Variants in SAMD3 observed in about 807,000 individuals in gnomAD.
SAMD3 encodes the protein sterile alpha motif domain-containing protein 3.
Under a neutral mutation model 58.5 loss-of-function variants are expected in SAMD3, and 63 were observed. That is an observed-to-expected ratio of 1.08 (90% confidence interval 0.88 to 1.33). SAMD3 has a LOEUF of 1.33. Ranked by LOEUF, SAMD3 falls within the 40% of genes most tolerant of loss-of-function variation. The pLI is 0.00. For missense variants in SAMD3, 604 were observed against 608.4 expected (o/e 0.99, Z 0.08); for synonymous variants, 220 against 210.3 (o/e 1.05, Z -0.40).
At chr6:130,163,699 A>G (rs910382830) in intron 8 of SAMD3, among the ~76,000 whole-genome samples, 14 of 152,248 alleles carry the variant, frequency 9.2e-5, no homozygotes, top group African/African-American at 3.4e-4. Context: ...GGAAAAGGCT[A>G]TAAAATAATT....
intron 5 of SAMD3, among the ~76,000 whole-genome samples, chr6:130,199,318 T>C (rs1458579528): frequency 6.6e-6 from 1 of 152,222 alleles, no homozygotes; most frequent in Non-Finnish European, 1.5e-5. Flanking sequence ...CCTGCAGACT[T>C]TATACACTGA....
At chr6:130,197,135 G>C (rs531475893) in intron 5 of SAMD3, among the ~76,000 whole-genome samples, 62 of 152,312 alleles carry the variant, frequency 4.1e-4, no homozygotes, top group African/African-American at 1.5e-3. Context: ...TCAGAAGTCA[G>C]ACCTGTCCTC....
rs144703794 is a variant in SAMD3, at chr6:130,361,228, T to C, written c.-304+3892A>G. Among the ~76,000 whole-genome samples, 1,060 of 152,274 alleles carry C rather than the reference T, an allele frequency of 7.0e-3. 11 individuals carry two copies. Among genetic ancestry groups the C allele is most frequent in the African/African-American group, 0.019 (787 of 41,554 alleles). On this transcript the variant is annotated intron_variant, in intron 1 of 13. Coordinates refer to the SAMD3 transcript ENST00000368134. ...AAACTTCACAATTTGTGTTTAGAGA[T>C]TGCAGTAAAGACAGGCATAAGAAAT...
chr6:130,283,467 C>T (rs944139020), intron 2 of SAMD3, among the ~76,000 whole-genome samples: 47 of 151,766 alleles, frequency 3.1e-4, no homozygotes, highest in African/African-American at 1.1e-3. Context: ...CCATCAAATA[C>T]CAAAGACAAA....
chr6:130,343,606 G>A (rs941548119), intron 1 of SAMD3, among the ~76,000 whole-genome samples: 1 of 152,144 alleles, frequency 6.6e-6, no homozygotes, highest in Non-Finnish European at 1.5e-5. Flanking sequence ...GGTGTACTAA[G>A]AAGTAGCCTA....
At chr6:130,148,354 G>T (rs1788830378) in intron 9 of SAMD3, among the ~76,000 whole-genome samples, 1 of 152,216 alleles carries the variant, frequency 6.6e-6, no homozygotes, top group Non-Finnish European at 1.5e-5. Flanking sequence ...GAATTGCCCA[G>T]ACTTGGCCAG....
At chr6:130,181,194 G>A (rs141515622) in intron 7 of SAMD3, among the ~76,000 whole-genome samples, 4 of 151,914 alleles carry the variant, frequency 2.6e-5, no homozygotes, top group Non-Finnish European at 2.9e-5. Context: ...TGATCTGCCC[G>A]CCTTGGCCTC....
At chr6:130,204,014 A>T (rs1464441401) in intron 5 of SAMD3, among the ~76,000 whole-genome samples, 2 of 152,212 alleles carry the variant, frequency 1.3e-5, no homozygotes, top group Non-Finnish European at 1.5e-5. Context: ...CAGAAGGATT[A>T]GCTTATTCTA....
intron 8 of SAMD3, among the ~76,000 whole-genome samples, chr6:130,172,437 G>A (rs987748322): frequency 3.3e-5 from 5 of 152,192 alleles, no homozygotes; most frequent in African/African-American, 1.2e-4. Flanking sequence ...CTTGTCTGTA[G>A]AGGATTTTAT....
chr6:130,348,435 C>A (rs1437059045), intron 1 of SAMD3, among the ~76,000 whole-genome samples: 2 of 151,990 alleles, frequency 1.3e-5, no homozygotes, highest in Non-Finnish European at 2.9e-5. Context: ...ATCCTAGTCT[C>A]GGATAAAACA....
At chr6:130,273,318 C>T (rs188642736) in intron 2 of SAMD3, among the ~76,000 whole-genome samples, 1 of 152,174 alleles carries the variant, frequency 6.6e-6, no homozygotes, top group East Asian at 1.9e-4. Context: ...GTCACCTCTG[C>T]TCTCATTTGG....
intron 5 of SAMD3, among the ~76,000 whole-genome samples, chr6:130,190,178 A>T (rs1330028072): frequency 6.6e-6 from 1 of 152,220 alleles, no homozygotes; most frequent in Non-Finnish European, 1.5e-5. Context: ...TGACACCAGG[A>T]GACTGAGTTT....
chr6:130,148,745 G>A (rs964375715), intron 9 of SAMD3, among the ~76,000 whole-genome samples: 2 of 152,060 alleles, frequency 1.3e-5, no homozygotes, highest in African/African-American at 4.8e-5. Context: ...GGTGGCACAT[G>A]CCTGTAGTCC....
chr6:130,223,985 G>A (rs62431195), upstream of SAMD3, among the ~76,000 whole-genome samples: 24,096 of 152,150 alleles, frequency 0.16, 2,153 homozygotes, highest in East Asian at 0.36. Flanking sequence ...TCACATGTAG[G>A]CTTGGAGAAT....
intron 2 of SAMD3, among the ~76,000 whole-genome samples, chr6:130,247,145 T>C (rs1165926175): frequency 6.6e-6 from 1 of 152,060 alleles, no homozygotes; most frequent in Non-Finnish European, 1.5e-5. Flanking sequence ...AAGATTATTG[T>C]TGTCATGTCA....
chr6:130,186,531 C>T (rs576371037), intron 5 of SAMD3, among the ~76,000 whole-genome samples: 18 of 152,236 alleles, frequency 1.2e-4, no homozygotes, highest in Admixed American at 6.5e-4. Flanking sequence ...TGTAAGTCTC[C>T]GCTGCAGCCC....
At chr6:130,290,549 C>G (rs942234673) in intron 2 of SAMD3, among the ~76,000 whole-genome samples, 1 of 152,150 alleles carries the variant, frequency 6.6e-6, no homozygotes, top group Non-Finnish European at 1.5e-5. Flanking sequence ...ATTGCCTAGC[C>G]TAGTTGACAC....
chr6:130,272,832 C>A (rs1341480425), intron 2 of SAMD3, among the ~76,000 whole-genome samples: 1 of 152,050 alleles, frequency 6.6e-6, no homozygotes, highest in Non-Finnish European at 1.5e-5. Context: ...GGACATGCCA[C>A]CATAATTAGG....
At chr6:130,356,707 A>C (rs1777840507) in intron 1 of SAMD3, among the ~76,000 whole-genome samples, 1 of 152,178 alleles carries the variant, frequency 6.6e-6, no homozygotes, top group African/African-American at 2.4e-5. Flanking sequence ...CAGCTTTGCT[A>C]GTTTTCCTTT....
Sources: gnomAD v4.1 joint callset for allele counts (sites outside exome capture counted in the v4.1 genomes callset) on GRCh38, gnomAD v4.1.1 for gene constraint, MANE v1.5 for transcripts, NCBI Gene and HGNC (gene_info 2026-07-23, HGNC 2026-07-21) for gene names.